The following FAM47E variants were observed in gnomAD, a reference collection of about 807,000 sequenced individuals.
FAM47E encodes the protein family with sequence similarity 47 member E.
In FAM47E, 32 loss-of-function variants were observed where a neutral mutation model predicts 41.6. The ratio of observed to expected loss-of-function variants is 0.77; its 90% CI spans 0.58 to 1.03. FAM47E has a LOEUF of 1.03. Ranked by LOEUF, FAM47E falls within the 50% of genes least tolerant of loss-of-function variation. FAM47E has a pLI of 0.00. For synonymous variants in FAM47E, 184 were observed against 188.7 expected (o/e 0.98, Z 0.20); for missense variants, 424 against 485.4 (o/e 0.87, Z 1.19).
In FAM47E at chr4:76,279,127, A is replaced by C. The variant is rs1285646827; in HGVS notation, c.1026+903A>C. 2.0e-5 allele frequency: 3 copies of C among 152,298 alleles called. No homozygotes were observed. In the East Asian group the frequency reaches 5.8e-4, roughly 29 times the overall value. The allele number at this position is 152,298 out of a possible 1,614,324, so 9.4% of individuals were successfully genotyped here. On this transcript the variant is annotated intron_variant, in intron 6 of 7. Coordinates refer to ENST00000424749, the MANE Select transcript of FAM47E (RefSeq NM_001136570.3). The stretch of plus-strand genomic sequence containing the variant: ...ATTTTCAGGTGTGAGGTATGATACA[A>C]ATTTATGAGCACCCCATGTTTATAT...
intron 2 of FAM47E, among the ~76,000 whole-genome samples, chr4:76,232,408 A>G (rs1488102751): frequency 6.6e-6 from 1 of 152,208 alleles, no homozygotes; most frequent in Non-Finnish European, 1.5e-5. Flanking sequence ...GGCTTATTCT[A>G]AATCATCTCT....
intron 2 of FAM47E, among the ~76,000 whole-genome samples, chr4:76,224,303 C>T (rs1052479052): frequency 6.6e-6 from 1 of 152,198 alleles, no homozygotes; most frequent in Non-Finnish European, 1.5e-5. Context: ...AAAAATAAAA[C>T]TTCTCATATC....
intron 6 of FAM47E, chr4:76,278,625 T>C (rs1735225462): frequency 8.8e-6 from 2 of 226,576 alleles, no homozygotes; most frequent in Non-Finnish European, 1.7e-5. Flanking sequence ...TATGGGTGAA[T>C]GTCAAAAAAT....
At position 76,259,317 on chromosome 4, in the gene FAM47E, A is replaced by T. The variant is rs1183531409; in HGVS notation, c.420+2794A>T. Among the ~76,000 whole-genome samples, 5 of 152,228 alleles carry T rather than the reference A, an allele frequency of 3.3e-5. No individual in the cohort carries two copies. In the East Asian group the frequency reaches 9.6e-4, roughly 29 times the overall value. On this transcript the variant is annotated intron_variant, in intron 2 of 7. Coordinates refer to ENST00000424749, the MANE Select transcript of FAM47E (RefSeq NM_001136570.3). Reference sequence around the variant, plus strand: ...AATGTCATAACCACATAAAATGGTGAACTACTCTTGGTTAAAGATTTGACT... The same window carrying T: ...AATGTCATAACCACATAAAATGGTGTACTACTCTTGGTTAAAGATTTGACT...
intron 3 of FAM47E, among the ~76,000 whole-genome samples, chr4:76,267,249 T>A (rs1734678966): frequency 6.6e-6 from 1 of 152,210 alleles, no homozygotes; most frequent in African/African-American, 2.4e-5. Context: ...GTACAGGGGC[T>A]ATGAATAAAG....
chr4:76,283,181 G>A (rs1735429631), intron 7 of FAM47E, 200 bp from the exon 8 acceptor site: 1 of 426,740 alleles, frequency 2.3e-6, no homozygotes, highest in African/African-American at 2.0e-5. Flanking sequence ...AATTCCATCT[G>A]AGTGTTTCTG....
At chr4:76,262,578 T>A (rs1475721393) in intron 2 of FAM47E, among the ~76,000 whole-genome samples, 1 of 152,218 alleles carries the variant, frequency 6.6e-6, no homozygotes, top group Non-Finnish European at 1.5e-5. Context: ...TTCGACTTCA[T>A]GAAAATGCAT....
intron 2 of FAM47E, among the ~76,000 whole-genome samples, chr4:76,237,461 A>T (rs1178280529): frequency 6.7e-6 from 1 of 150,008 alleles, no homozygotes; most frequent in Admixed American, 6.7e-5. Flanking sequence ...AGTTAATTTT[A>T]GTCCTTTTGA....
In FAM47E at chr4:76,256,519, T is replaced by C. The variant is rs1405027319; in HGVS notation, c.416T>C (p.Ile139Thr). 1 of 1,547,940 alleles carries C rather than the reference T, an allele frequency of 6.5e-7. No homozygotes were observed. The highest frequency in any genetic ancestry group is 2.4e-5 in the East Asian group (1 of 40,838). The change falls in exon 2 of 8, where the codon ATA becomes ACA. Residue 139 changes from isoleucine (I) to threonine (T), a missense_variant. Ile to Thr is a moderately conservative substitution (Grantham distance 89). Coordinates refer to ENST00000424749, the MANE Select transcript of FAM47E (RefSeq NM_001136570.3). ...CTGAATCTGGAAGAAGCTATGCCCA[T>C]AGAGGTGATGTGTCCTAGGGTTTGT... The part of the protein sequence containing the change: ...LYLNLEEAMP[I>T]ELLSKVLEVL...
chr4:76,239,747 G>A (rs1733667697), intron 2 of FAM47E, among the ~76,000 whole-genome samples: 3 of 152,106 alleles, frequency 2.0e-5, no homozygotes, highest in Non-Finnish European at 4.4e-5. Context: ...TCCAATTTGT[G>A]TTCTTTTGTT....
At chr4:76,271,344 G>A (rs1287209153) in intron 4 of FAM47E, among the ~76,000 whole-genome samples, 2 of 152,100 alleles carry the variant, frequency 1.3e-5, no homozygotes, top group African/African-American at 2.4e-5. Context: ...AATTTCCCTC[G>A]GGCTCATGAT....
At chr4:76,247,590 C>A (rs551047288), upstream of FAM47E, among the ~76,000 whole-genome samples, 1 of 149,744 alleles carries the variant, frequency 6.7e-6, no homozygotes, top group Non-Finnish European at 1.5e-5. Context: ...CACATCCTCA[C>A]CAACACTTGT....
intron 2 of FAM47E, among the ~76,000 whole-genome samples, chr4:76,220,166 C>T (rs187299579): frequency 2.0e-5 from 3 of 152,198 alleles, no homozygotes; most frequent in Non-Finnish European, 4.4e-5. Context: ...GGTATATAAC[C>T]CCCAAAATTG....
At chr4:76,268,446 T>C (rs1358791575) in intron 3 of FAM47E, 4 of 482,108 alleles carry the variant, frequency 8.3e-6, no homozygotes, top group Admixed American at 8.3e-5. Context: ...CTATGTAAGT[T>C]TTAATTATTA....
At position 76,263,733 on chromosome 4, in the gene FAM47E, T is replaced by A; in HGVS notation, c.450T>A (p.Asp150Glu). ...ELLSKVLEVL[D>E]PDRKLEDTWA... ...TATCAAAGGTGCTGGAAGTGCTTGA[T>A]CCTGACCGGAAGCTGGAGGACACAT... The change falls in exon 3 of 8, where the codon GAT (aspartate) becomes GAA (glutamate). Residue 150 changes from aspartate (D) to glutamate (E), a missense_variant. Physicochemically the swap from Asp to Glu is conservative, Grantham distance 45. Coordinates refer to ENST00000424749, the MANE Select transcript of FAM47E (RefSeq NM_001136570.3). The A allele has an allele frequency of 6.4e-7, 1 of 1,551,694 alleles. No homozygotes were observed. Among genetic ancestry groups the A allele is most frequent in the Non-Finnish European group, 8.7e-7 (1 of 1,146,886 alleles).
At chr4:76,214,278 C>G (rs769224839) in exon 1 of FAM47E, 2 of 456,024 alleles carry the variant, frequency 4.4e-6, no homozygotes, top group South Asian at 3.1e-5. Context: ...TGAGATCATG[C>G]CAGCAAGCAT....
chr4:76,274,498 T>C (rs1216473386), intron 5 of FAM47E, among the ~76,000 whole-genome samples: 1 of 152,180 alleles, frequency 6.6e-6, no homozygotes, highest in Admixed American at 6.5e-5. Context: ...GGAGGATTGC[T>C]TAAGCCTAGG....
chr4:76,223,743 G>A (rs1263034994), intron 2 of FAM47E, among the ~76,000 whole-genome samples: 3 of 152,188 alleles, frequency 2.0e-5, no homozygotes, highest in Non-Finnish European at 4.4e-5. Context: ...CCAGTCACAA[G>A]TGTGCTTTTC....
chr4:76,235,305 G>A (rs753865828), intron 2 of FAM47E, among the ~76,000 whole-genome samples: 4 of 152,132 alleles, frequency 2.6e-5, no homozygotes, highest in South Asian at 2.1e-4. Context: ...ACGATAGAGC[G>A]AGACTCCGTC....
Sources: allele counts gnomAD v4.1 joint callset (sites outside exome capture counted in the v4.1 genomes callset), GRCh38; gene constraint gnomAD v4.1.1; transcripts MANE v1.5; gene names NCBI Gene and HGNC (gene_info 2026-07-23, HGNC 2026-07-21).